The following ARHGEF26 variants were observed in gnomAD, a reference collection of about 807,000 sequenced individuals.
The protein encoded by ARHGEF26 is Rho guanine nucleotide exchange factor 26, also known as Rho guanine nucleotide exchange factor (GEF) 26.
ARHGEF26 carries 59 observed loss-of-function variants against 89.4 expected under a neutral mutation model. The observed-to-expected ratio is 0.66, with a 90% CI of 0.54 to 0.82. The LOEUF (loss-of-function observed/expected upper bound fraction) is 0.82, where lower values mean the gene tolerates loss of function less well. ARHGEF26 is among the 40% of genes least tolerant of loss of function. The probability of loss-of-function intolerance (pLI) is 0.00; values close to 1 mark genes in which losing one functional copy is unlikely to be tolerated. For missense variants in ARHGEF26, 1,234 were observed against 1,085.6 expected (o/e 1.14, Z -1.92); for synonymous variants, 500 against 428.4 (o/e 1.17, Z -2.06).
chr3:154,189,510 T>A (rs1713817864), intron 7 of ARHGEF26, among the ~76,000 whole-genome samples: 1 of 152,042 alleles, frequency 6.6e-6, no homozygotes, highest in Non-Finnish European at 1.5e-5. Flanking sequence ...GTTAATTTTT[T>A]GTATTTTTAG....
intron 9 of ARHGEF26, among the ~76,000 whole-genome samples, chr3:154,199,267 T>A (rs886179268): frequency 1.4e-4 from 21 of 152,036 alleles, no homozygotes; most frequent in African/African-American, 4.8e-4. Context: ...TGTCCATGAG[T>A]TCATTTTTAA....
Position 154,205,355 on chromosome 3 carries a change from G to A in ARHGEF26, c.1845+10637G>A, listed in dbSNP as rs895403028. Among the ~76,000 whole-genome samples, 5 of 151,834 alleles carry A rather than the reference G, an allele frequency of 3.3e-5. No individual in the cohort carries two copies. In the South Asian group the frequency reaches 8.3e-4, roughly 25 times the overall value. On this transcript the variant is annotated intron_variant, in intron 9 of 14. Coordinates refer to ENST00000465093, the MANE Select transcript of ARHGEF26 (RefSeq NM_015595.4). ...TTTTTTTGTTTTGGTTTCCATTGAC[G>A]TGGAGTATCTTTCTCCATCCTTTGT... is the stretch of plus-strand genomic sequence containing the variant.
chr3:154,145,965 G>A (rs968650831), intron 4 of ARHGEF26, among the ~76,000 whole-genome samples: 8 of 152,188 alleles, frequency 5.3e-5, no homozygotes, highest in Non-Finnish European at 1.0e-4. Flanking sequence ...ACTGTGATGA[G>A]TGTAATAATG....
chr3:154,206,162 A>T (rs1348297018), intron 9 of ARHGEF26, among the ~76,000 whole-genome samples: 1 of 152,152 alleles, frequency 6.6e-6, no homozygotes, highest in Non-Finnish European at 1.5e-5. Context: ...TGGATATACT[A>T]TTTTATGGTA....
At chr3:154,212,351 A>G (rs1039952231) in intron 9 of ARHGEF26, among the ~76,000 whole-genome samples, 5 of 152,164 alleles carry the variant, frequency 3.3e-5, no homozygotes, top group African/African-American at 4.8e-5. Context: ...CAAAAAAAAA[A>G]AAAAGGGAAA....
At position 154,254,185 on chromosome 3, in the gene ARHGEF26, G is replaced by A. The variant is rs541604640; in HGVS notation, c.2369-535G>A. On this transcript the variant is annotated intron_variant, in intron 13 of 14. Transcript: ENST00000465093. ...CTGCCTCGGCCTCCCAAAGTGCTGG[G>A]ATTACAGGCGTGAGCCACCGTGCCC... Among the ~76,000 whole-genome samples, 164 of 152,294 alleles carry A rather than the reference G, an allele frequency of 1.1e-3. 2 individuals carry two copies. The highest frequency in any genetic ancestry group is 2.4e-3 in the Admixed American group (37 of 15,298).
At chr3:154,243,107 C>T (rs913040830) in intron 12 of ARHGEF26, among the ~76,000 whole-genome samples, 2 of 152,114 alleles carry the variant, frequency 1.3e-5, no homozygotes, top group East Asian at 1.9e-4. Flanking sequence ...AACTAGACTT[C>T]CTTTGTGTGG....
At chr3:154,187,032 C>T (rs1448148154) in intron 6 of ARHGEF26, 1 of 151,572 alleles carries the variant, frequency 6.6e-6, no homozygotes, top group Non-Finnish European at 1.5e-5. Flanking sequence ...GATGGGACTA[C>T]AGCTGCGTGC....
chr3:154,187,136 C>G (rs532675185), intron 6 of ARHGEF26: 105 of 636,550 alleles, frequency 1.6e-4, no homozygotes, highest in Non-Finnish European at 2.0e-4. Flanking sequence ...ATAATCCACC[C>G]GCTTCGGCCT....
chr3:154,243,862 TAAAA>T, intron 12 of ARHGEF26, among the ~76,000 whole-genome samples: 1 of 151,432 alleles, frequency 6.6e-6, no homozygotes, highest in Middle Eastern at 3.4e-3. Flanking sequence ...TCCTTAAAAA[TAAAA>T]AAGACTATTA....
chr3:154,170,274 C>A (rs1712341213), intron 6 of ARHGEF26, among the ~76,000 whole-genome samples: 2 of 152,030 alleles, frequency 1.3e-5, no homozygotes, highest in Non-Finnish European at 2.9e-5. Flanking sequence ...GGTGGGAGGA[C>A]TGCCTGAAAC....
At chr3:154,240,143 G>A (rs1286878070) in intron 11 of ARHGEF26, among the ~76,000 whole-genome samples, 1 of 152,132 alleles carries the variant, frequency 6.6e-6, no homozygotes, top group African/African-American at 2.4e-5. Context: ...ATGCAATTTA[G>A]TGTGTTACAT....
intron 5 of ARHGEF26, 44 bp downstream of exon 5, chr3:154,149,489 A>C (rs375668859): frequency 6.5e-6 from 10 of 1,528,762 alleles, no homozygotes; most frequent in African/African-American, 2.7e-5. Context: ...TGGAGTGTGC[A>C]TGTCGGTGTC....
In ARHGEF26 at chr3:154,214,138, G is replaced by A. The variant is rs569102133; in HGVS notation, c.1846-3731G>A. On this transcript the variant is annotated intron_variant, in intron 9 of 14. Transcript: ENST00000465093. ...TTTGGTAGGGCCGAGGCCCCACATG[G>A]GAGCAGTGAGAGGTTAGGGATCAAG... Among the ~76,000 whole-genome samples, 11 of 152,314 alleles carry A rather than the reference G, an allele frequency of 7.2e-5. No homozygotes were observed. The South Asian group carries it at 2.3e-3, about 32-fold the overall frequency.
chr3:154,139,853 C>A (rs1162136328), intron 4 of ARHGEF26, among the ~76,000 whole-genome samples: 1 of 152,106 alleles, frequency 6.6e-6, no homozygotes, highest in Non-Finnish European at 1.5e-5. Flanking sequence ...ATCTATATTT[C>A]TATTATTTTG....
chr3:154,158,909 A>G (rs577859394), intron 6 of ARHGEF26, among the ~76,000 whole-genome samples: 21 of 152,214 alleles, frequency 1.4e-4, no homozygotes, highest in South Asian at 6.2e-4. Context: ...TTAACTTACA[A>G]TGATTTGCAA....
chr3:154,142,732 A>T (rs922649523), intron 4 of ARHGEF26, among the ~76,000 whole-genome samples: 1 of 152,242 alleles, frequency 6.6e-6, no homozygotes, highest in African/African-American at 2.4e-5. Context: ...AGAGAGGAAC[A>T]TCAGACCTGT....
At chr3:154,238,757 A>T (rs1185330809) in intron 11 of ARHGEF26, among the ~76,000 whole-genome samples, 1 of 152,198 alleles carries the variant, frequency 6.6e-6, no homozygotes, top group Non-Finnish European at 1.5e-5. Flanking sequence ...GCAAGGGTGC[A>T]GGTGCAGAGT....
intron 14 of ARHGEF26, 58 bp downstream of exon 14, chr3:154,254,882 C>G: frequency 7.2e-7 from 1 of 1,397,036 alleles, no homozygotes; most frequent in South Asian, 1.2e-5. Flanking sequence ...TGCTATAGAC[C>G]CGAGGAGTGT....
Sources: gnomAD v4.1 joint callset for allele counts (sites outside exome capture counted in the v4.1 genomes callset) on GRCh38, gnomAD v4.1.1 for gene constraint, MANE v1.5 for transcripts, NCBI Gene and HGNC (gene_info 2026-07-23, HGNC 2026-07-21) for gene names.